WDR70: variants seen among roughly 807,000 people sequenced by gnomAD.
The protein encoded by WDR70 is WD repeat domain 70, also known as WD repeat-containing protein 70.
In WDR70, 53 loss-of-function variants were observed where a neutral mutation model predicts 88.6. The observed-to-expected ratio is 0.60, with a 90% CI of 0.48 to 0.75. WDR70 has a LOEUF of 0.75. Among genes scored for constraint, WDR70 ranks in the 30% least tolerant of loss-of-function variants. The pLI, the probability that WDR70 is intolerant of heterozygous loss-of-function variation, is 0.00. For missense variants in WDR70, 610 were observed against 823.2 expected, an observed-to-expected ratio of 0.74 and a Z score of 3.17; for synonymous variants, 280 against 270.0, an observed-to-expected ratio of 1.04 and a Z score of -0.36.
intron 9 of WDR70, among the ~76,000 whole-genome samples, chr5:37,524,102 A>G (rs1206485699): frequency 6.6e-6 from 1 of 152,244 alleles, no homozygotes; most frequent in Admixed American, 6.5e-5. Flanking sequence ...AAGGCAGGCC[A>G]ACATTCAAAT....
chr5:37,742,258 CTGT>C (rs1748503828), intron 17 of WDR70, among the ~76,000 whole-genome samples: 1 of 138,190 alleles, frequency 7.2e-6, no homozygotes. Context: ...TTGTTATTAT[CTGT>C]TGTTTTTTTT....
chr5:37,725,438 G>A (rs542689396), intron 16 of WDR70, among the ~76,000 whole-genome samples: 15 of 152,124 alleles, frequency 9.9e-5, no homozygotes, highest in Non-Finnish European at 2.1e-4. Flanking sequence ...GCTGGATTAG[G>A]TTTCACACAA....
At chr5:37,513,327 C>A (rs1323372299) in intron 8 of WDR70, among the ~76,000 whole-genome samples, 2 of 152,100 alleles carry the variant, frequency 1.3e-5, no homozygotes, top group East Asian at 3.9e-4. Context: ...GAGAAGGAGC[C>A]AGTCATGAGA....
intron 7 of WDR70, among the ~76,000 whole-genome samples, chr5:37,459,077 G>A (rs1218475003): frequency 1.4e-4 from 5 of 36,938 alleles, no homozygotes; most frequent in African/African-American, 4.0e-4. Flanking sequence ...CCTTCATTTC[G>A]TTATGTACCC....
intron 7 of WDR70, 90 bp downstream of exon 7, chr5:37,443,462 A>G (rs1581282064): frequency 4.2e-6 from 6 of 1,425,712 alleles, no homozygotes; most frequent in East Asian, 2.3e-5. Context: ...CCCATCTACA[A>G]TGATTTGTAT....
intron 8 of WDR70, among the ~76,000 whole-genome samples, chr5:37,487,970 T>C (rs915585684): frequency 1.3e-5 from 2 of 152,136 alleles, no homozygotes; most frequent in Non-Finnish European, 2.9e-5. Context: ...CCTTTAAACA[T>C]TTCTTGTAGG....
At chr5:37,688,114 A>T (rs1413415181) in intron 10 of WDR70, 2 of 464,712 alleles carry the variant, frequency 4.3e-6, no homozygotes, top group African/African-American at 3.9e-5. Flanking sequence ...TCTTATTAAT[A>T]AAGTATATAT....
At chr5:37,706,614 G>A (rs1057458021) in intron 13 of WDR70, among the ~76,000 whole-genome samples, 1 of 152,060 alleles carries the variant, frequency 6.6e-6, no homozygotes, top group Non-Finnish European at 1.5e-5. Flanking sequence ...ATGATTGTAA[G>A]GCCTCCCCAG....
chr5:37,470,530 C>T (rs996005981), intron 7 of WDR70, among the ~76,000 whole-genome samples: 1 of 152,090 alleles, frequency 6.6e-6, no homozygotes, highest in Non-Finnish European at 1.5e-5. Context: ...CTACTTGCAC[C>T]ATAGATTACT....
intron 17 of WDR70, among the ~76,000 whole-genome samples, chr5:37,736,745 C>T (rs1351611105): frequency 2.0e-5 from 3 of 151,652 alleles, no homozygotes; most frequent in Non-Finnish European, 4.4e-5. Flanking sequence ...AAGAGGTGCC[C>T]TGGGTGATTG....
chr5:37,568,035 A>T (rs73749067), intron 9 of WDR70, among the ~76,000 whole-genome samples: 2,309 of 152,286 alleles, frequency 0.015, 53 homozygotes, highest in African/African-American at 0.053. Flanking sequence ...AGTTGCTGAA[A>T]AATACCTCAC....
intron 10 of WDR70, among the ~76,000 whole-genome samples, chr5:37,658,394 G>A (rs1042274305): frequency 2.0e-5 from 3 of 152,140 alleles, no homozygotes; most frequent in African/African-American, 7.2e-5. Flanking sequence ...ACAGCAGCAT[G>A]AGTATTAGGC....
chr5:37,579,582 C>CAAAAAA (rs201135421), intron 9 of WDR70, among the ~76,000 whole-genome samples: 1 of 82,730 alleles, frequency 1.2e-5, no homozygotes, highest in Admixed American at 1.5e-4. Flanking sequence ...GACTCTGTCT[C>CAAAAAA]AAAAAAAAAA....
chr5:37,580,275 A>T (rs1249150689), intron 9 of WDR70, among the ~76,000 whole-genome samples: 2 of 152,084 alleles, frequency 1.3e-5, no homozygotes, highest in African/African-American at 4.8e-5. Context: ...ACATTTTGAA[A>T]TTTTTTTCCT....
chr5:37,569,398 C>T (rs556278022), intron 9 of WDR70, among the ~76,000 whole-genome samples: 80 of 152,216 alleles, frequency 5.3e-4, no homozygotes, highest in African/African-American at 1.8e-3. Context: ...TAATTTATTT[C>T]TATGGTTGTT....
chr5:37,419,911 A>T (rs1192341929), intron 5 of WDR70, among the ~76,000 whole-genome samples: 1 of 152,168 alleles, frequency 6.6e-6, no homozygotes, highest in Non-Finnish European at 1.5e-5. Context: ...TTTATTGATT[A>T]CATTTCTTTT....
chr5:37,401,776 A>AT (rs374974552), intron 5 of WDR70, among the ~76,000 whole-genome samples: 11 of 152,020 alleles, frequency 7.2e-5, no homozygotes, highest in South Asian at 4.2e-4. Context: ...ATTTTTAAGG[A>AT]TTTTTTTTAA....
rs185159484 is a variant in WDR70 at position 37,532,817 on chromosome 5, T to C, written c.917+16227T>C. 2.0e-5 allele frequency among the ~76,000 whole-genome samples: 3 copies of C among 152,304 alleles called. No homozygotes were observed. In the East Asian group the frequency reaches 5.8e-4, roughly 29 times the overall value. ...ATTGCTGGTGAGCTAGTATGATCTT[T>C]TGGGGGTGTTAAAGACCCTTGCTTT... On this transcript the variant is annotated intron_variant, in intron 9 of 17. Transcript: ENST00000265107.
rs780871678 is a variant in WDR70 at position 37,699,400 on chromosome 5, T to TACACACACACACACAC, written c.1192+1647_1192+1648insCACACACACACACACA. On this transcript the variant is annotated intron_variant, in intron 11 of 17. Coordinates refer to ENST00000265107, the MANE Select transcript of WDR70 (RefSeq NM_018034.4). ...ATATATATGTATGTGTGTATATATA[T>TACACACACACACACAC]ATACACACACACACACACACACACA... Among the ~76,000 whole-genome samples the TACACACACACACACAC allele has an allele frequency of 6.2e-3, 917 of 147,030 alleles. 17 individuals are homozygous for TACACACACACACACAC. Among genetic ancestry groups the TACACACACACACACAC allele is most frequent in the African/African-American group, 0.022 (881 of 39,474 alleles).
Sources: allele counts gnomAD v4.1 joint callset (sites outside exome capture counted in the v4.1 genomes callset), GRCh38; gene constraint gnomAD v4.1.1; transcripts MANE v1.5; gene names NCBI Gene and HGNC (gene_info 2026-07-23, HGNC 2026-07-21).